CLSTN2: variants seen among roughly 807,000 people sequenced by gnomAD.
CLSTN2 encodes calsyntenin 2, also known as calsyntenin-2.
CLSTN2 carries 48 observed loss-of-function variants against 101.2 expected under a neutral mutation model. The ratio of observed to expected loss-of-function variants is 0.47; its 90% CI spans 0.38 to 0.60. The LOEUF is 0.60. CLSTN2 is among the 20% of genes least tolerant of loss of function. The pLI is 0.00. For missense variants in CLSTN2, 1,160 were observed against 1,238.2 expected (o/e 0.94, Z 0.95); for synonymous variants, 481 against 463.6 (o/e 1.04, Z -0.48).
At chr3:140,524,211 G>A (rs927736905) in intron 8 of CLSTN2, among the ~76,000 whole-genome samples, 2 of 152,206 alleles carry the variant, frequency 1.3e-5, no homozygotes, top group African/African-American at 4.8e-5. Flanking sequence ...GGGAAACACT[G>A]AACTCAAACT....
chr3:139,948,036 C>A (rs1264011365), intron 1 of CLSTN2, among the ~76,000 whole-genome samples: 1 of 152,080 alleles, frequency 6.6e-6, no homozygotes, highest in Non-Finnish European at 1.5e-5. Context: ...ATGGCCACAG[C>A]AACAGAAGAG....
intron 1 of CLSTN2, among the ~76,000 whole-genome samples, chr3:139,995,941 T>C (rs529818882): frequency 1.8e-4 from 27 of 152,334 alleles, no homozygotes; most frequent in African/African-American, 6.3e-4. Context: ...ACTATTAGGA[T>C]TGGCCCTCTT....
chr3:139,935,399 G>C lies in CLSTN2; in HGVS notation c.25G>C (p.Val9Leu). MLPGRLCW[V>L]PLLLALGVGS... ...GATGCTGCCTGGGCGGCTGTGCTGG[G>C]TGCCGCTCCTGCTGGCGCTGGGCGT... The change falls in exon 1 of 17, where the codon GTG becomes CTG. Residue 9 changes from valine (V) to leucine (L), a missense_variant. Coordinates refer to ENST00000458420, the MANE Select transcript of CLSTN2 (RefSeq NM_022131.3). The surrounding 1 kb of genome is among the most constrained non-coding windows in gnomAD (Gnocchi z 5.5). The C allele has an allele frequency of 8.1e-7, 1 of 1,230,588 alleles. No individual in the cohort carries two copies. Among genetic ancestry groups the C allele is most frequent in the South Asian group, 4.1e-5 (1 of 24,312 alleles). The allele number at this position is 1,230,588 out of a possible 1,614,324, so 76.2% of individuals were successfully genotyped here.
At chr3:140,495,495 T>C (rs1934447238) in intron 8 of CLSTN2, among the ~76,000 whole-genome samples, 1 of 152,224 alleles carries the variant, frequency 6.6e-6, no homozygotes, top group South Asian at 2.1e-4. Flanking sequence ...TTTTTGCTTT[T>C]GTTGCAATTG....
chr3:140,022,189 G>A (rs2007332793), intron 1 of CLSTN2, among the ~76,000 whole-genome samples: 1 of 152,238 alleles, frequency 6.6e-6, no homozygotes, highest in African/African-American at 2.4e-5. Flanking sequence ...AGTGCTGGGG[G>A]CCTCAGCTGC....
rs114543200 is a variant in CLSTN2 at position 140,088,037 on chromosome 3, C to T, written c.110-87914C>T. 1.5e-3 allele frequency among the ~76,000 whole-genome samples: 222 copies of T among 152,206 alleles called. 1 individual carries two copies. The highest frequency in any genetic ancestry group is 5.1e-3 in the African/African-American group (212 of 41,532). ...TGATCTCTGGGGGCTCAACAGGAGG[C>T]TAAAGGCAGGAGAGTTTGGTATCTC... On this transcript the variant is annotated intron_variant, in intron 1 of 16. Transcript: ENST00000458420.
At chr3:140,354,265 C>G (rs2107944848) in intron 2 of CLSTN2, among the ~76,000 whole-genome samples, 1 of 152,304 alleles carries the variant, frequency 6.6e-6, no homozygotes, top group East Asian at 1.9e-4. Context: ...TTGGGCTACT[C>G]AAGGGCACTG....
intron 1 of CLSTN2, among the ~76,000 whole-genome samples, chr3:140,040,965 C>T (rs1003583561): frequency 1.8e-4 from 28 of 152,034 alleles, no homozygotes; most frequent in Non-Finnish European, 2.1e-4. Context: ...CTCATGCTGC[C>T]GATGGCAGTG....
chr3:140,459,561 C>A lies in CLSTN2; in HGVS notation c.1014C>A (p.Ser338Arg). ...SGIIDLLPSPSAATNWTAGLL... is the reference protein window; with the variant it reads ...SGIIDLLPSPRAATNWTAGLL... The stretch of plus-strand genomic sequence containing the variant: ...TCATTGACCTCTTGCCATCCCCTAG[C>A]GCTGCCACCAACTGGACTGCAGGAC... Residue 338 changes from serine to arginine, a missense_variant, in exon 7 of 17, where the codon AGC becomes AGA. Coordinates refer to ENST00000458420, the MANE Select transcript of CLSTN2 (RefSeq NM_022131.3). The A allele has an allele frequency of 6.2e-7, 1 of 1,614,058 alleles. No individual in the cohort carries two copies. Among genetic ancestry groups the A allele is most frequent in the Non-Finnish European group, 8.5e-7 (1 of 1,179,934 alleles).
At chr3:140,265,623 A>G (rs541154523) in intron 2 of CLSTN2, among the ~76,000 whole-genome samples, 4 of 152,322 alleles carry the variant, frequency 2.6e-5, no homozygotes, top group African/African-American at 9.6e-5. Context: ...GACTTTTAAC[A>G]GTGATTCTCC....
At chr3:140,487,885 T>C (rs1365680753) in intron 8 of CLSTN2, among the ~76,000 whole-genome samples, 1 of 152,258 alleles carries the variant, frequency 6.6e-6, no homozygotes, top group Non-Finnish European at 1.5e-5. Context: ...CAGAGTCTTA[T>C]ATCTATTATC....
chr3:139,960,238 T>C (rs1354866561), intron 1 of CLSTN2, among the ~76,000 whole-genome samples: 2 of 152,210 alleles, frequency 1.3e-5, no homozygotes, highest in African/African-American at 4.8e-5. Flanking sequence ...TGATGCACAA[T>C]TTGTTCCTGT....
At chr3:140,375,053 C>CAGGCA (rs1332394837) in intron 2 of CLSTN2, among the ~76,000 whole-genome samples, 1 of 152,162 alleles carries the variant, frequency 6.6e-6, no homozygotes, top group Non-Finnish European at 1.5e-5. Context: ...TGCCTGGACT[C>CAGGCA]TATAATGATA....
At chr3:140,315,733 C>T (rs1364120617) in intron 2 of CLSTN2, among the ~76,000 whole-genome samples, 1 of 152,206 alleles carries the variant, frequency 6.6e-6, no homozygotes, top group East Asian at 1.9e-4. Context: ...TCCAGGAGGA[C>T]CCAAATGCCT....
intron 8 of CLSTN2, among the ~76,000 whole-genome samples, chr3:140,512,682 G>C (rs1377725734): frequency 6.6e-6 from 1 of 152,132 alleles, no homozygotes; most frequent in Non-Finnish European, 1.5e-5. Flanking sequence ...GAATAGCATT[G>C]AATCTATAAA....
chr3:140,475,777 T>G (rs1030932081), intron 8 of CLSTN2, among the ~76,000 whole-genome samples: 9 of 152,226 alleles, frequency 5.9e-5, no homozygotes, highest in African/African-American at 2.2e-4. Context: ...TATTTGTGTT[T>G]CAGGCTGTAC....
At chr3:140,291,735 A>G (rs2086956003) in intron 2 of CLSTN2, among the ~76,000 whole-genome samples, 1 of 150,824 alleles carries the variant, frequency 6.6e-6, no homozygotes, top group Non-Finnish European at 1.5e-5. Flanking sequence ...TCCAATGCCA[A>G]AAGGAGAACT....
chr3:140,441,784 C>T (rs1025865850), intron 5 of CLSTN2, among the ~76,000 whole-genome samples: 9 of 152,190 alleles, frequency 5.9e-5, no homozygotes, highest in African/African-American at 1.2e-4. Context: ...CTGTTTCTGA[C>T]GCTCTAAATA....
At chr3:140,204,171 T>A (rs2010752634) in intron 2 of CLSTN2, among the ~76,000 whole-genome samples, 1 of 152,236 alleles carries the variant, frequency 6.6e-6, no homozygotes, top group Non-Finnish European at 1.5e-5. Flanking sequence ...TTCTGGAAGA[T>A]GGAAATAATA....
Sources: gnomAD v4.1 joint callset for allele counts (sites outside exome capture counted in the v4.1 genomes callset) on GRCh38, gnomAD v4.1.1 for gene constraint, Gnocchi (gnomAD v3.1) non-coding constraint, MANE v1.5 for transcripts, NCBI Gene and HGNC (gene_info 2026-07-23, HGNC 2026-07-21) for gene names.